Variants in XIRP2 observed in about 807,000 individuals in gnomAD.
XIRP2 encodes xin actin binding repeat containing 2.
A neutral mutation model predicts 277.0 loss-of-function variants in XIRP2; 236 were observed. That is an observed-to-expected ratio of 0.85 (90% CI 0.77 to 0.95). XIRP2 has a LOEUF of 0.95. XIRP2 is among the 40% of genes least tolerant of loss of function. The pLI is 0.00. For missense variants in XIRP2, 4,640 were observed against 4,157.5 expected, an observed-to-expected ratio of 1.12 and a Z score of -3.19; for synonymous variants, 1,490 against 1,416.5, an observed-to-expected ratio of 1.05 and a Z score of -1.17.
At chr2:167,161,324 C>A (rs1192828021) in intron 3 of XIRP2, among the ~76,000 whole-genome samples, 1 of 152,252 alleles carries the variant, frequency 6.6e-6, no homozygotes, top group African/African-American at 2.4e-5. Flanking sequence ...TGTGTGGGTG[C>A]TCTGATCCCA....
At chr2:166,944,118 G>A (rs1255778817) in intron 2 of XIRP2, among the ~76,000 whole-genome samples, 1 of 152,158 alleles carries the variant, frequency 6.6e-6, no homozygotes, top group African/African-American at 2.4e-5. Flanking sequence ...AACTTTCTAA[G>A]CCAGATGTTT....
intron 2 of XIRP2, among the ~76,000 whole-genome samples, chr2:167,045,994 A>G (rs866796296): frequency 2.6e-5 from 4 of 151,924 alleles, no homozygotes; most frequent in Admixed American, 6.6e-5. Flanking sequence ...AGTTTTTAAC[A>G]TGAAGGGATG....
intron 1 of XIRP2, among the ~76,000 whole-genome samples, chr2:166,893,704 CA>C (rs1684168162): frequency 6.6e-6 from 1 of 152,076 alleles, no homozygotes; most frequent in Non-Finnish European, 1.5e-5. Context: ...AAATAGAGAT[CA>C]AAAGTGTCAG....
Position 167,068,607 on chromosome 2 carries a change from C to CTT in XIRP2, c.409-67293_409-67292dup, listed in dbSNP as rs201447859. Reference sequence around the variant, plus strand: ...AGTCCCTTTCTCATATTTTTCTTTGCTTTTTTTTTTCCTTTTTTAAACTAA... The same window carrying CTT: ...AGTCCCTTTCTCATATTTTTCTTTGCTTTTTTTTTTTTCCTTTTTTAAACTAA... On this transcript the variant is annotated intron_variant, in intron 2 of 10. Transcript: ENST00000409195. 2.9e-3 allele frequency among the ~76,000 whole-genome samples: 428 copies of CTT among 148,074 alleles called. 2 individuals carry two copies. The highest frequency in any genetic ancestry group is 9.4e-3 in the African/African-American group (380 of 40,452).
At chr2:167,116,548 G>A (rs969488132) in intron 2 of XIRP2, among the ~76,000 whole-genome samples, 1 of 152,122 alleles carries the variant, frequency 6.6e-6, no homozygotes, top group Non-Finnish European at 1.5e-5. Flanking sequence ...GTCAGTCAAA[G>A]TAAATAGCAT....
intron 2 of XIRP2, among the ~76,000 whole-genome samples, chr2:167,102,272 G>C (rs1406912721): frequency 6.6e-6 from 1 of 152,178 alleles, no homozygotes; most frequent in Admixed American, 6.5e-5. Flanking sequence ...ATGCAAGCAT[G>C]AAATAATCAA....
chr2:167,149,991 A>G (rs994401238), intron 3 of XIRP2, among the ~76,000 whole-genome samples: 3 of 151,992 alleles, frequency 2.0e-5, no homozygotes, highest in African/African-American at 7.2e-5. Context: ...AATTATATGA[A>G]AACGTGGGGT....
At chr2:166,985,757 G>A (rs141769894) in intron 2 of XIRP2, among the ~76,000 whole-genome samples, 102 of 152,046 alleles carry the variant, frequency 6.7e-4, no homozygotes, top group African/African-American at 2.4e-3. Context: ...ATTATTCTTA[G>A]TGTTGGTCTG....
Position 167,249,280 on chromosome 2 carries a change from T to A in XIRP2, c.7888T>A (p.Ser2630Thr), listed in dbSNP as rs1193990022. Residue 2630 changes from serine to threonine, a missense_variant, in exon 9 of 11, where the codon TCC becomes ACC. Physicochemically the swap from Ser to Thr is moderately conservative, Grantham distance 58 (BLOSUM62 1). Transcript: ENST00000409195. Reference protein sequence around the residue: ...ILGVCSDNQLSTTSPETVAAK... With the variant: ...ILGVCSDNQLTTTSPETVAAK... Reference sequence around the variant, plus strand: ...AGGAGTGTGTTCTGATAACCAACTCTCCACAACATCGCCAGAAACAGTCGC... The same window carrying A: ...AGGAGTGTGTTCTGATAACCAACTCACCACAACATCGCCAGAAACAGTCGC... 1 of 1,613,778 alleles carries A rather than the reference T, an allele frequency of 6.2e-7. No homozygotes were observed.
chr2:167,083,259 T>A (rs1362972486), intron 2 of XIRP2, among the ~76,000 whole-genome samples: 5 of 152,132 alleles, frequency 3.3e-5, no homozygotes, highest in East Asian at 3.9e-4. Flanking sequence ...GTTGTAGATA[T>A]GCGGCATTAT....
intron 2 of XIRP2, among the ~76,000 whole-genome samples, chr2:167,011,001 A>G (rs955743171): frequency 1.8e-4 from 28 of 152,142 alleles, no homozygotes; most frequent in African/African-American, 6.0e-4. Flanking sequence ...TAGATATACA[A>G]TCATGTCATC....
rs754069290 is a variant in XIRP2 at position 167,243,594 on chromosome 2, A to G, written c.2202A>G (p.Lys734=). The change falls in exon 9 of 11, where the codon AAA becomes AAG. Residue 734 remains lysine, a synonymous_variant. Transcript: ENST00000409195. ...AGGGAAATGTTAAAAGAAGTATAAA[A>G]TGTTTCGAAACTCAACCATTATATG... The part of the protein sequence containing the change: ...EIKGNVKRSI[K]CFETQPLYVI... 6.2e-7 allele frequency: 1 copy of G among 1,614,046 alleles called. No individual in the cohort carries two copies. The highest frequency in any genetic ancestry group is 8.5e-7 in the Non-Finnish European group (1 of 1,179,980).
intron 2 of XIRP2, among the ~76,000 whole-genome samples, chr2:167,135,003 T>C (rs1039017669): frequency 6.6e-6 from 1 of 152,154 alleles, no homozygotes; most frequent in Non-Finnish European, 1.5e-5. Context: ...GGACCGCAGG[T>C]AAATAAAACT....
chr2:167,050,769 T>C (rs759739334), intron 2 of XIRP2, among the ~76,000 whole-genome samples: 1 of 149,556 alleles, frequency 6.7e-6, no homozygotes, highest in Non-Finnish European at 1.5e-5. Context: ...CAGATGTAAG[T>C]GGAACAGGAC....
intron 2 of XIRP2, among the ~76,000 whole-genome samples, chr2:166,943,485 G>T (rs1574102006): frequency 6.6e-6 from 1 of 152,262 alleles, no homozygotes; most frequent in East Asian, 1.9e-4. Context: ...GCATTTAGAG[G>T]TTTTGTTCAT....
At chr2:166,996,100 G>C (rs1050886490) in intron 2 of XIRP2, among the ~76,000 whole-genome samples, 43 of 152,126 alleles carry the variant, frequency 2.8e-4, no homozygotes, top group Admixed American at 2.4e-3. Context: ...CAAGTTGTAG[G>C]CTCCTTGAGG....
intron 3 of XIRP2, among the ~76,000 whole-genome samples, chr2:167,168,755 T>C (rs1241703709): frequency 6.6e-6 from 1 of 152,012 alleles, no homozygotes; most frequent in Non-Finnish European, 1.5e-5. Flanking sequence ...GCTGGGACTA[T>C]AGGTGCCCAC....
chr2:167,221,692 A>G (rs1264609279), intron 5 of XIRP2, among the ~76,000 whole-genome samples: 1 of 152,174 alleles, frequency 6.6e-6, no homozygotes. Context: ...GCTGGTAAAC[A>G]CAGGTAGTTT....
intron 2 of XIRP2, among the ~76,000 whole-genome samples, chr2:166,931,851 T>C (rs947486824): frequency 5.9e-5 from 9 of 152,220 alleles, no homozygotes; most frequent in African/African-American, 2.2e-4. Flanking sequence ...ATACAAGTAG[T>C]TCTCCAAAGT....
Sources: allele counts gnomAD v4.1 joint callset (sites outside exome capture counted in the v4.1 genomes callset), GRCh38; gene constraint gnomAD v4.1.1; transcripts MANE v1.5; gene names NCBI Gene and HGNC (gene_info 2026-07-23, HGNC 2026-07-21).